Variants in CDH12 observed in about 807,000 individuals in gnomAD.
CDH12 encodes the protein cadherin-12.
In CDH12, 41 loss-of-function variants were observed where a neutral mutation model predicts 74.1. That is an observed-to-expected ratio of 0.55 (90% CI 0.43 to 0.72). The LOEUF is 0.72. CDH12 is among the 30% of genes least tolerant of loss of function. The pLI is 0.00. For synonymous variants in CDH12, 399 were observed against 355.0 expected (o/e 1.12, Z -1.39); for missense variants, 945 against 977.2 (o/e 0.97, Z 0.44).
intron 1 of CDH12, among the ~76,000 whole-genome samples, chr5:22,698,929 T>C (rs554498211): frequency 6.6e-5 from 10 of 151,736 alleles, no homozygotes; most frequent in Non-Finnish European, 1.5e-4. Context: ...GTGATACCAA[T>C]ATTTCTTTGT....
intron 5 of CDH12, among the ~76,000 whole-genome samples, chr5:22,063,380 C>A (rs1368988148): frequency 6.6e-6 from 1 of 152,110 alleles, no homozygotes; most frequent in Non-Finnish European, 1.5e-5. Context: ...GCACCCTTCT[C>A]TCTTCCATCA....
At chr5:21,844,227 A>C (rs565983421) in intron 7 of CDH12, among the ~76,000 whole-genome samples, 366 of 152,238 alleles carry the variant, frequency 2.4e-3, no homozygotes, top group Non-Finnish European at 4.5e-3. Context: ...ATTCATAAAA[A>C]TGGGGTACTA....
intron 4 of CDH12, among the ~76,000 whole-genome samples, chr5:22,140,361 A>T (rs1478519642): frequency 6.6e-6 from 1 of 152,076 alleles, no homozygotes; most frequent in Non-Finnish European, 1.5e-5. Flanking sequence ...GAGAGTTTTG[A>T]TTACATAAGT....
chr5:22,134,758 A>AAAGCTAC (rs1298953322), intron 4 of CDH12, among the ~76,000 whole-genome samples: 1 of 146,330 alleles, frequency 6.8e-6, no homozygotes, highest in African/African-American at 2.6e-5. Context: ...GATGCTTTAT[A>AAAGCTAC]AAGCTACAAT....
intron 6 of CDH12, among the ~76,000 whole-genome samples, chr5:21,922,899 G>A (rs10036766): frequency 1 from 151,405 of 152,028 alleles, 75,400 homozygotes; most frequent in Middle Eastern, 1. Context: ...AATCAGGCTA[G>A]TAATAAATAC....
At chr5:22,730,809 A>T (rs1010515907) in intron 1 of CDH12, among the ~76,000 whole-genome samples, 8 of 151,812 alleles carry the variant, frequency 5.3e-5, no homozygotes, top group African/African-American at 1.9e-4. Flanking sequence ...ATTATACATA[A>T]TTTATTCCTT....
intron 5 of CDH12, among the ~76,000 whole-genome samples, chr5:22,059,106 T>C (rs1202387191): frequency 6.6e-6 from 1 of 152,172 alleles, no homozygotes; most frequent in African/African-American, 2.4e-5. Context: ...TCTCTGATCA[T>C]GATCAGGTAG....
chr5:22,737,077 A>G (rs1392158264), intron 1 of CDH12, among the ~76,000 whole-genome samples: 2 of 151,948 alleles, frequency 1.3e-5, no homozygotes, highest in African/African-American at 4.8e-5. Flanking sequence ...ATATTTTAAA[A>G]TCCTCCCAAG....
intron 1 of CDH12, among the ~76,000 whole-genome samples, chr5:22,790,426 G>A (rs1348683705): frequency 2.0e-5 from 3 of 151,958 alleles, no homozygotes; most frequent in Non-Finnish European, 4.4e-5. Flanking sequence ...AAATAGATTA[G>A]CCCAAAGCCT....
chr5:21,999,946 T>C (rs1441604288), intron 5 of CDH12, among the ~76,000 whole-genome samples: 1 of 152,164 alleles, frequency 6.6e-6, no homozygotes, highest in African/African-American at 2.4e-5. Flanking sequence ...ATTAAGAGTT[T>C]AGTACAATGC....
chr5:22,773,128 T>A (rs7734549), intron 1 of CDH12, among the ~76,000 whole-genome samples: 1 of 152,208 alleles, frequency 6.6e-6, no homozygotes, highest in Admixed American at 6.6e-5. Context: ...ACCAATATAA[T>A]TCTTCATAGA....
At chr5:22,295,255 G>A (rs747824699) in intron 3 of CDH12, among the ~76,000 whole-genome samples, 3 of 151,970 alleles carry the variant, frequency 2.0e-5, no homozygotes, top group Non-Finnish European at 4.4e-5. Context: ...TGCTAGAGAA[G>A]AAGCTTAAAT....
intron 1 of CDH12, among the ~76,000 whole-genome samples, chr5:22,686,103 G>A (rs924396914): frequency 6.6e-6 from 1 of 152,084 alleles, no homozygotes; most frequent in African/African-American, 2.4e-5. Flanking sequence ...TGGATATGAA[G>A]TGGTATTACA....
intron 6 of CDH12, among the ~76,000 whole-genome samples, chr5:21,959,752 C>CAAAAAAAAA (rs1176227757): frequency 1.2e-5 from 1 of 80,820 alleles, no homozygotes; most frequent in African/African-American, 4.5e-5. Flanking sequence ...TACTAAAATC[C>CAAAAAAAAA]AAAAAAAAAA....
chr5:22,268,845 C>T lies in CDH12; in HGVS notation c.-332-56202G>A, dbSNP rs562347987. ...CAGTATTTTTAATTATTGAGCAACT[C>T]GTATGCATCATACTTTACATTAGGC... is the stretch of plus-strand genomic sequence containing the variant. On this transcript the variant is annotated intron_variant, in intron 3 of 14. Coordinates refer to ENST00000382254, the MANE Select transcript of CDH12 (RefSeq NM_004061.5). Among the ~76,000 whole-genome samples, 8 of 152,138 alleles carry T rather than the reference C, an allele frequency of 5.3e-5. No individual in the cohort carries two copies. The South Asian group carries it at 6.2e-4, about 12-fold the overall frequency.
chr5:22,089,401 G>A (rs923107287), intron 4 of CDH12, among the ~76,000 whole-genome samples: 5 of 152,154 alleles, frequency 3.3e-5, no homozygotes, highest in African/African-American at 1.2e-4. Flanking sequence ...AGCCTAGACA[G>A]TGGACTTGGC....
intron 1 of CDH12, among the ~76,000 whole-genome samples, chr5:22,505,927 T>C (rs271097): frequency 0.94 from 142,462 of 152,148 alleles, 66,802 homozygotes; most frequent in Admixed American, 0.97. Context: ...CAAGGGTATG[T>C]GTGTCATCAG....
chr5:22,056,748 T>C (rs546247629), intron 5 of CDH12, among the ~76,000 whole-genome samples: 3 of 152,304 alleles, frequency 2.0e-5, no homozygotes, highest in East Asian at 3.9e-4. Flanking sequence ...AATCTACATA[T>C]ATTATCCCAC....
chr5:22,548,721 T>G (rs1580754689), intron 1 of CDH12, among the ~76,000 whole-genome samples: 1 of 151,794 alleles, frequency 6.6e-6, no homozygotes, highest in Admixed American at 6.6e-5. Context: ...CAGGAGAAGG[T>G]AAATCATTAT....
Sources: gnomAD v4.1 joint callset for allele counts (sites outside exome capture counted in the v4.1 genomes callset) on GRCh38, gnomAD v4.1.1 for gene constraint, MANE v1.5 for transcripts, NCBI Gene and HGNC (gene_info 2026-07-23, HGNC 2026-07-21) for gene names.